The following PTPRD variants were observed in gnomAD, a reference collection of about 807,000 sequenced individuals.
PTPRD encodes receptor-type tyrosine-protein phosphatase delta.
PTPRD carries 34 observed loss-of-function variants against 214.5 expected under a neutral mutation model. The observed-to-expected ratio is 0.16, with a 90% confidence interval of 0.12 to 0.21. PTPRD has a LOEUF of 0.21. Ranked by LOEUF, PTPRD falls within the 10% of genes least tolerant of loss-of-function variation. The pLI is 1.00. For missense variants in PTPRD, 2,545 were observed against 2,398.7 expected (o/e 1.06, Z -1.27); for synonymous variants, 1,128 against 845.7 (o/e 1.33, Z -5.79).
At chr9:8,906,885 A>G (rs1257172335) in intron 11 of PTPRD, among the ~76,000 whole-genome samples, 1 of 152,120 alleles carries the variant, frequency 6.6e-6, no homozygotes, top group Non-Finnish European at 1.5e-5. Context: ...CTGCAAGCTC[A>G]CACAAAGGCA....
intron 11 of PTPRD, among the ~76,000 whole-genome samples, chr9:8,919,840 G>GTGCACGTATCATGCATACATAGATGTACA (rs2098813358): frequency 6.9e-6 from 1 of 144,968 alleles, no homozygotes; most frequent in Non-Finnish European, 1.5e-5. Context: ...GCATACATAC[G>GTGCACGTATCATGCATACATAGATGTACA]TGCATGTATC....
At chr9:10,165,154 C>T (rs2099151521) in intron 3 of PTPRD, among the ~76,000 whole-genome samples, 2 of 151,666 alleles carry the variant, frequency 1.3e-5, no homozygotes, top group African/African-American at 4.8e-5. Context: ...CAGTCCTAAC[C>T]TATAGGCTTT....
intron 9 of PTPRD, among the ~76,000 whole-genome samples, chr9:9,359,042 C>G (rs1030699837): frequency 1.3e-5 from 2 of 151,278 alleles, no homozygotes; most frequent in Non-Finnish European, 3.0e-5. Flanking sequence ...TGAAGCAGAA[C>G]AGCTAATGAT....
At chr9:8,457,394 T>C (rs866393436) in intron 33 of PTPRD, among the ~76,000 whole-genome samples, 4 of 152,162 alleles carry the variant, frequency 2.6e-5, no homozygotes, top group South Asian at 2.1e-4. Flanking sequence ...ATATACCAAA[T>C]ATATTTTAAT....
intron 11 of PTPRD, among the ~76,000 whole-genome samples, chr9:8,973,730 G>GT (rs1226679825): frequency 6.6e-6 from 1 of 151,966 alleles, no homozygotes; most frequent in Non-Finnish European, 1.5e-5. Context: ...AGCATTTGCT[G>GT]TTTTTTGACT....
At chr9:9,895,108 G>A (rs1448097260) in intron 5 of PTPRD, among the ~76,000 whole-genome samples, 1 of 151,962 alleles carries the variant, frequency 6.6e-6, no homozygotes, top group Non-Finnish European at 1.5e-5. Context: ...GCAATTTGAG[G>A]CTTTGGCTGG....
At chr9:10,211,367 A>C (rs2154341726) in intron 3 of PTPRD, among the ~76,000 whole-genome samples, 1 of 152,278 alleles carries the variant, frequency 6.6e-6, no homozygotes, top group East Asian at 1.9e-4. Flanking sequence ...GACTTGGGCT[A>C]AACTAGTGTT....
chr9:10,443,724 G>C (rs1169371534), intron 2 of PTPRD, among the ~76,000 whole-genome samples: 1 of 150,782 alleles, frequency 6.6e-6, no homozygotes, highest in African/African-American at 2.4e-5. Flanking sequence ...ATTCTCCTCA[G>C]TATTAGAGTC....
intron 5 of PTPRD, among the ~76,000 whole-genome samples, chr9:9,822,553 A>T (rs1486701352): frequency 1.3e-5 from 2 of 149,268 alleles, no homozygotes; most frequent in African/African-American, 4.9e-5. Flanking sequence ...ACCAACTACA[A>T]ATAGTATCAT....
chr9:9,210,814 A>C (rs1409756702), intron 9 of PTPRD, among the ~76,000 whole-genome samples: 2 of 151,978 alleles, frequency 1.3e-5, no homozygotes, highest in East Asian at 1.9e-4. Context: ...TCCCTGGCAC[A>C]AATGTATCTT....
chr9:9,992,565 G>C (rs558001080), intron 4 of PTPRD, among the ~76,000 whole-genome samples: 2 of 152,286 alleles, frequency 1.3e-5, no homozygotes, highest in African/African-American at 4.8e-5. Context: ...GTCCATCAAT[G>C]ATAGACTGGG....
chr9:10,537,564 T>C (rs2058117641), intron 2 of PTPRD, among the ~76,000 whole-genome samples: 1 of 152,174 alleles, frequency 6.6e-6, no homozygotes, highest in Non-Finnish European at 1.5e-5. Context: ...CTTTACATTG[T>C]TTTTTCTTGA....
intron 5 of PTPRD, among the ~76,000 whole-genome samples, chr9:9,910,661 T>C (rs1361921340): frequency 6.6e-6 from 1 of 152,040 alleles, no homozygotes; most frequent in Non-Finnish European, 1.5e-5. Flanking sequence ...TTTAATTTTG[T>C]CTTTTATGCA....
At chr9:10,519,777 T>C (rs1261812527) in intron 2 of PTPRD, among the ~76,000 whole-genome samples, 3 of 152,086 alleles carry the variant, frequency 2.0e-5, no homozygotes, top group East Asian at 3.9e-4. Context: ...CAGAGAATCT[T>C]TGATGTTACT....
At chr9:9,321,327 G>A (rs1036627980) in intron 9 of PTPRD, among the ~76,000 whole-genome samples, 2 of 152,064 alleles carry the variant, frequency 1.3e-5, no homozygotes, top group African/African-American at 2.4e-5. Context: ...AGGCCGAGGC[G>A]GGTGGATCAC....
At position 9,037,134 on chromosome 9, in the gene PTPRD, T is replaced by C. The variant is rs149938261; in HGVS notation, c.-142-18399A>G. 3.5e-3 allele frequency among the ~76,000 whole-genome samples: 537 copies of C among 152,232 alleles called. 3 individuals are homozygous for C. The highest frequency in any genetic ancestry group is 0.012 in the African/African-American group (514 of 41,534). The stretch of plus-strand genomic sequence containing the variant: ...TCCGTGCCTGGAATCTGGAATTAAA[T>C]CTAGGCCAAACTACAGAGCCTAACA... On this transcript the variant is annotated intron_variant, in intron 10 of 45. Coordinates refer to ENST00000381196, the MANE Select transcript of PTPRD (RefSeq NM_002839.4).
intron 3 of PTPRD, among the ~76,000 whole-genome samples, chr9:10,207,025 CTT>C (rs1375581116): frequency 4.6e-5 from 7 of 152,078 alleles, no homozygotes; most frequent in Non-Finnish European, 8.8e-5. Context: ...ATGCACCAAA[CTT>C]AAGTATATGA....
At chr9:8,597,479 T>C (rs982511477) in intron 14 of PTPRD, among the ~76,000 whole-genome samples, 2 of 151,392 alleles carry the variant, frequency 1.3e-5, no homozygotes, top group East Asian at 3.9e-4. Context: ...TTTGCATTTA[T>C]ACAAACAATA....
chr9:10,237,920 G>A (rs1202850298), intron 3 of PTPRD, among the ~76,000 whole-genome samples: 1 of 151,808 alleles, frequency 6.6e-6, no homozygotes, highest in Non-Finnish European at 1.5e-5. Flanking sequence ...GAGCTTCTGA[G>A]AGTTCAACAT....
Sources: allele counts gnomAD v4.1 joint callset (sites outside exome capture counted in the v4.1 genomes callset), GRCh38; gene constraint gnomAD v4.1.1; transcripts MANE v1.5; gene names NCBI Gene and HGNC (gene_info 2026-07-23, HGNC 2026-07-21).